Variants in ERO1B observed in about 807,000 individuals in gnomAD.
ERO1B encodes ERO1-like protein beta.
ERO1B carries 49 observed loss-of-function variants against 75.3 expected under a neutral mutation model. The observed-to-expected ratio is 0.65, with a 90% CI of 0.52 to 0.83. The LOEUF (loss-of-function observed/expected upper bound fraction) is 0.83. Ranked by LOEUF, ERO1B falls within the 40% of genes least tolerant of loss-of-function variation. The probability of loss-of-function intolerance (pLI) is 0.00; values close to 1 mark genes in which losing one functional copy is unlikely to be tolerated. For missense variants in ERO1B, 512 were observed against 560.1 expected, an observed-to-expected ratio of 0.91 and a Z score of 0.87; for synonymous variants, 191 against 192.9, an observed-to-expected ratio of 0.99 and a Z score of 0.08.
chr1:236,234,427 T>C (rs1664489089), intron 8 of ERO1B, among the ~76,000 whole-genome samples: 1 of 152,244 alleles, frequency 6.6e-6, no homozygotes, highest in South Asian at 2.1e-4. Context: ...TCAAACTCTG[T>C]ACTATGGAAT....
intron 5 of ERO1B, among the ~76,000 whole-genome samples, chr1:236,244,762 G>T (rs1420880878): frequency 2.0e-5 from 3 of 152,088 alleles, no homozygotes; most frequent in Non-Finnish European, 4.4e-5. Flanking sequence ...AATAAAGCTG[G>T]CTCAGTTTGA....
rs1230764953 is a variant in ERO1B, at chr1:236,249,961, T to G, written c.355A>C (p.Lys119Gln). The change falls in exon 5 of 16, where the codon AAA becomes CAA. Residue 119 changes from lysine to glutamine, a missense_variant. Physicochemically the swap from Lys to Gln is moderately conservative, Grantham distance 53. Transcript: ENST00000354619. ...IKAGHSNKYL[K>Q]MANNTKELED... ...AATTCTTTGGTATTGTTTGCCATTT[T>G]CAAGTACTGCAAAGAAGTTCGTAAG... The G allele has an allele frequency of 1.3e-6, 2 of 1,598,046 alleles. No individual in the cohort carries two copies. Among genetic ancestry groups the G allele is most frequent in the Non-Finnish European group, 1.7e-6 (2 of 1,173,634 alleles).
At chr1:236,226,588 T>C in intron 11 of ERO1B, 59 bp downstream of exon 11, 1 of 1,595,596 alleles carries the variant, frequency 6.3e-7, no homozygotes, top group Non-Finnish European at 8.5e-7. Flanking sequence ...GAATATGTAT[T>C]CTCTCCAATA....
intron 13 of ERO1B, among the ~76,000 whole-genome samples, chr1:236,223,876 A>G (rs1664216971): frequency 6.6e-6 from 1 of 152,202 alleles, no homozygotes; most frequent in South Asian, 2.1e-4. Flanking sequence ...ACCTTCCAAC[A>G]CTAAAATATA....
chr1:236,251,936 T>G, intron 4 of ERO1B, 114 bp downstream of exon 4: 1 of 735,146 alleles, frequency 1.4e-6, no homozygotes, highest in Non-Finnish European at 2.3e-6. Flanking sequence ...TGAGGCAAAA[T>G]GTCTCCATTC....
At chr1:236,269,139 G>A (rs1459233612) in intron 2 of ERO1B, among the ~76,000 whole-genome samples, 1 of 152,108 alleles carries the variant, frequency 6.6e-6, no homozygotes, top group Non-Finnish European at 1.5e-5. Context: ...GAAGGCTGAA[G>A]CAGAAGAATC....
At chr1:236,239,692 A>T (rs974213655) in intron 6 of ERO1B, among the ~76,000 whole-genome samples, 3 of 151,194 alleles carry the variant, frequency 2.0e-5, no homozygotes, top group African/African-American at 7.3e-5. Flanking sequence ...CCTCTCCCAC[A>T]AAAGTTTTAT....
At chr1:236,267,978 T>C (rs567542001) in intron 2 of ERO1B, 10 of 150,062 alleles carry the variant, frequency 6.7e-5, no homozygotes, top group Non-Finnish European at 1.5e-4. Context: ...AAAAAAAAAA[T>C]GAAAGAAGCA....
rs564468129 is a variant in ERO1B, at chr1:236,270,806, T to A, written c.103-812A>T. Among the ~76,000 whole-genome samples the A allele has an allele frequency of 3.2e-4, 49 of 152,106 alleles. 1 individual carries two copies. The highest frequency in any genetic ancestry group is 6.8e-3 in the Middle Eastern group (2 of 294). Reference sequence around the variant, plus strand: ...ACAGAACACTTTTTAAATGAAAAAATTTTAGAAATGGAAAGCATATCATTT... The same window carrying A: ...ACAGAACACTTTTTAAATGAAAAAAATTTAGAAATGGAAAGCATATCATTT... On this transcript the variant is annotated intron_variant, in intron 1 of 15. Coordinates refer to ENST00000354619, the MANE Select transcript of ERO1B (RefSeq NM_019891.4).
chr1:236,231,113 T>A (rs767041136), intron 9 of ERO1B, among the ~76,000 whole-genome samples: 1 of 152,172 alleles, frequency 6.6e-6, no homozygotes, highest in Non-Finnish European at 1.5e-5. Context: ...CCATTTTTCC[T>A]AATCCAATAA....
chr1:236,218,687 A>C lies in ERO1B; in HGVS notation c.1344-111T>G, dbSNP rs1749598. The stretch of plus-strand genomic sequence containing the variant: ...TTGAAAGCAAAACCTAAAATAAAAA[A>C]CCTCAAACACTGAAGCTTCCATGTT... On this transcript the variant is annotated intron_variant, in intron 15 of 15. Transcript: ENST00000354619. The C allele has an allele frequency of 1.9e-4, 183 of 947,368 alleles. No homozygotes were observed. In the African/African-American group the frequency reaches 2.9e-3, roughly 15 times the overall value. 58.7% of individuals were successfully genotyped at this position (947,368 alleles called of 1,614,324 possible).
intron 1 of ERO1B, chr1:236,281,394 AAC>A (rs1665825571): frequency 3.6e-6 from 1 of 281,232 alleles, no homozygotes; most frequent in African/African-American, 2.2e-5. Context: ...CCAGCCGCTT[AAC>A]ACATCCGAGA....
At chr1:236,229,410 G>A (rs1327204708) in intron 10 of ERO1B, among the ~76,000 whole-genome samples, 23 of 149,040 alleles carry the variant, frequency 1.5e-4, no homozygotes, top group Non-Finnish European at 1.0e-4. Flanking sequence ...GGGCAACAGC[G>A]AGACTCTGAC....
At chr1:236,229,302 G>C (rs1179313073) in intron 10 of ERO1B, among the ~76,000 whole-genome samples, 1 of 152,002 alleles carries the variant, frequency 6.6e-6, no homozygotes. Flanking sequence ...GCGGGTGCCT[G>C]TAATCCCAGC....
chr1:236,272,537 C>T (rs981342217), intron 1 of ERO1B, among the ~76,000 whole-genome samples: 1 of 152,050 alleles, frequency 6.6e-6, no homozygotes, highest in Non-Finnish European at 1.5e-5. Context: ...AGGAAGGAAA[C>T]AACACTGGGG....
chr1:236,272,314 A>G (rs2265885), intron 1 of ERO1B, among the ~76,000 whole-genome samples: 139,271 of 152,170 alleles, frequency 0.92, 64,969 homozygotes, highest in East Asian at 1. Flanking sequence ...GTAGTCAAGT[A>G]CCCATCAACG....
intron 6 of ERO1B, among the ~76,000 whole-genome samples, chr1:236,236,658 A>T (rs3768102): frequency 0.052 from 7,959 of 152,270 alleles, 576 homozygotes; most frequent in East Asian, 0.39. Flanking sequence ...TAAGTAATAT[A>T]ACATCCCCTT....
intron 8 of ERO1B, 29 bp from the exon 9 acceptor site, chr1:236,232,868 T>G: frequency 5.7e-6 from 9 of 1,580,484 alleles, no homozygotes; most frequent in Non-Finnish European, 7.8e-6. Context: ...GAAAAGATTT[T>G]AGAAAATGTC....
At chr1:236,241,081 G>A (rs2695056) in intron 6 of ERO1B, among the ~76,000 whole-genome samples, 37,754 of 151,920 alleles carry the variant, frequency 0.25, 4,824 homozygotes, top group East Asian at 0.38. Context: ...GATCTATAGG[G>A]ATCATCTTCC....
Sources: gnomAD v4.1 joint callset for allele counts (sites outside exome capture counted in the v4.1 genomes callset) on GRCh38, gnomAD v4.1.1 for gene constraint, MANE v1.5 for transcripts, NCBI Gene and HGNC (gene_info 2026-07-23, HGNC 2026-07-21) for gene names.